The following TMEM131 variants were observed in gnomAD, a reference collection of about 807,000 sequenced individuals.
TMEM131 encodes the protein 2610524E03Rik.
In TMEM131, 66 loss-of-function variants were observed where a neutral mutation model predicts 211.6. The observed-to-expected ratio is 0.31, with a 90% CI of 0.26 to 0.38. TMEM131 has a LOEUF of 0.38. Among genes scored for constraint, TMEM131 ranks in the 10% least tolerant of loss-of-function variants. The probability of loss-of-function intolerance (pLI) is 1.00; values close to 1 mark genes in which losing one functional copy is unlikely to be tolerated. For missense variants in TMEM131, 2,036 were observed against 2,299.3 expected (o/e 0.89, Z 2.34); for synonymous variants, 844 against 841.3 (o/e 1.00, Z -0.06).
chr2:97,967,984 T>C (rs559352599), intron 1 of TMEM131, among the ~76,000 whole-genome samples: 1 of 152,074 alleles, frequency 6.6e-6, no homozygotes, highest in Admixed American at 6.6e-5. Context: ...GGCTATAATG[T>C]CTTACTGCCT....
chr2:97,936,627 T>C (rs933177202), intron 1 of TMEM131, among the ~76,000 whole-genome samples: 8 of 152,038 alleles, frequency 5.3e-5, no homozygotes, highest in African/African-American at 1.2e-4. Context: ...ACAAATAATA[T>C]AGATTTAAAA....
At chr2:97,764,308 G>A (rs1172434204) in intron 35 of TMEM131, 1 of 152,448 alleles carries the variant, frequency 6.6e-6, no homozygotes, top group African/African-American at 2.4e-5. Context: ...GGGAGGCGAA[G>A]GGATAAAAGG....
At chr2:97,778,465 C>T (rs908648581) in intron 31 of TMEM131, among the ~76,000 whole-genome samples, 2 of 151,818 alleles carry the variant, frequency 1.3e-5, no homozygotes, top group Non-Finnish European at 2.9e-5. Flanking sequence ...GCAGGAGAAT[C>T]GCTTGAACTC....
chr2:97,777,558 C>T (rs1372267974), intron 31 of TMEM131, among the ~76,000 whole-genome samples: 2 of 152,218 alleles, frequency 1.3e-5, no homozygotes, highest in Non-Finnish European at 2.9e-5. Flanking sequence ...ACATTTACTA[C>T]CTGGCCCTTT....
chr2:97,958,644 C>T (rs957582125), intron 1 of TMEM131, among the ~76,000 whole-genome samples: 4 of 152,084 alleles, frequency 2.6e-5, no homozygotes, highest in African/African-American at 4.8e-5. Flanking sequence ...ATGCCTGTTA[C>T]GCCTAGGGCA....
chr2:97,995,211 G>A (rs1300262804), intron 1 of TMEM131, among the ~76,000 whole-genome samples: 1 of 152,236 alleles, frequency 6.6e-6, no homozygotes, highest in Admixed American at 6.5e-5. Context: ...CCTACCTAGC[G>A]GGCCAAGTGG....
chr2:97,824,336 C>A (rs972166640), intron 11 of TMEM131, among the ~76,000 whole-genome samples: 3 of 152,156 alleles, frequency 2.0e-5, no homozygotes, highest in African/African-American at 7.2e-5. Flanking sequence ...GTACGTTTAA[C>A]CATTGAAGGC....
intron 2 of TMEM131, chr2:97,911,536 A>G (rs1676292157): frequency 1.5e-6 from 1 of 648,578 alleles, no homozygotes; most frequent in African/African-American, 2.0e-5. Flanking sequence ...CAGGACGTGT[A>G]TCACTCATGT....
intron 1 of TMEM131, among the ~76,000 whole-genome samples, chr2:97,930,174 G>T (rs1484156002): frequency 1.3e-5 from 2 of 151,830 alleles, no homozygotes; most frequent in Admixed American, 1.3e-4. Flanking sequence ...CAATGTAAAA[G>T]ACATAAAGTC....
chr2:97,845,788 A>G (rs2105117197), intron 5 of TMEM131, among the ~76,000 whole-genome samples: 1 of 151,672 alleles, frequency 6.6e-6, no homozygotes, highest in African/African-American at 2.4e-5. Context: ...ATAAAACCGA[A>G]GCTGGTGCCT....
At chr2:97,766,819 C>A (rs774893571) in intron 33 of TMEM131, among the ~76,000 whole-genome samples, 31 of 152,170 alleles carry the variant, frequency 2.0e-4, no homozygotes, top group African/African-American at 7.2e-4. Flanking sequence ...GCAGACTGAA[C>A]CTTTGCTATT....
chr2:97,766,069 T>C (rs748082124), intron 35 of TMEM131, 45 bp downstream of exon 35: 146 of 1,606,962 alleles, frequency 9.1e-5, no homozygotes, highest in Admixed American at 2.7e-4. Context: ...GTGGGGTGGA[T>C]TGTGGGTAAG....
intron 3 of TMEM131, among the ~76,000 whole-genome samples, chr2:97,892,450 T>G (rs1038324586): frequency 6.6e-6 from 1 of 152,142 alleles, no homozygotes; most frequent in African/African-American, 2.4e-5. Context: ...AGCCTTGACC[T>G]CCTGGGCTCA....
At position 97,797,569 on chromosome 2, in the gene TMEM131, T is replaced by A. The variant is rs538391263; in HGVS notation, c.2719-53A>T. 5.0e-5 allele frequency: 76 copies of A among 1,506,462 alleles called. No homozygotes were observed. In the Admixed American group the frequency reaches 1.6e-3, roughly 31 times the overall value. 93.3% of individuals were successfully genotyped at this position (1,506,462 alleles called of 1,614,324 possible). Reference sequence around the variant, plus strand: ...GTCATGAATATATTCTCTGGAAGAATGTTTCTTCGCTTACACCCCATCTAG... The same window carrying A: ...GTCATGAATATATTCTCTGGAAGAAAGTTTCTTCGCTTACACCCCATCTAG... On this transcript the variant is annotated intron_variant, in intron 25 of 40. Coordinates refer to ENST00000186436, the MANE Select transcript of TMEM131 (RefSeq NM_015348.2).
intron 3 of TMEM131, among the ~76,000 whole-genome samples, chr2:97,901,950 G>C (rs1455093335): frequency 6.6e-6 from 1 of 152,002 alleles, no homozygotes; most frequent in East Asian, 1.9e-4. Flanking sequence ...AGAGAAGATT[G>C]GAAATGTTCC....
intron 3 of TMEM131, among the ~76,000 whole-genome samples, chr2:97,896,409 A>C (rs1437806401): frequency 6.6e-6 from 1 of 152,076 alleles, no homozygotes; most frequent in Non-Finnish European, 1.5e-5. Flanking sequence ...CAGGTCCTGA[A>C]TATCCTTGTT....
At chr2:97,966,269 G>A (rs1573626836) in intron 1 of TMEM131, among the ~76,000 whole-genome samples, 1 of 151,858 alleles carries the variant, frequency 6.6e-6, no homozygotes, top group Non-Finnish European at 1.5e-5. Flanking sequence ...TCTGGCATTC[G>A]ACTCAGACAA....
chr2:97,882,347 T>G (rs1403350271), intron 4 of TMEM131, among the ~76,000 whole-genome samples: 1 of 152,212 alleles, frequency 6.6e-6, no homozygotes, highest in East Asian at 1.9e-4. Flanking sequence ...TCCCAGTTAT[T>G]CAAACACTAA....
intron 6 of TMEM131, among the ~76,000 whole-genome samples, chr2:97,843,871 CAA>C (rs1435497171): frequency 6.6e-6 from 1 of 152,010 alleles, no homozygotes; most frequent in African/African-American, 2.4e-5. Context: ...AAAAATTAAA[CAA>C]AATTTTATAA....
Sources: allele counts gnomAD v4.1 joint callset (sites outside exome capture counted in the v4.1 genomes callset), GRCh38; gene constraint gnomAD v4.1.1; transcripts MANE v1.5; gene names NCBI Gene and HGNC (gene_info 2026-07-23, HGNC 2026-07-21).